TTLL11: variants seen among roughly 807,000 people sequenced by gnomAD.
TTLL11 encodes tubulin tyrosine ligase like 11.
A neutral mutation model predicts 51.7 loss-of-function variants in TTLL11; 42 were observed. The ratio of observed to expected loss-of-function variants is 0.81; its 90% confidence interval spans 0.64 to 1.05. TTLL11 has a LOEUF of 1.05. TTLL11 is among the 50% of genes least tolerant of loss of function. The probability of loss-of-function intolerance (pLI) is 0.00; values close to 1 mark genes in which losing one functional copy is unlikely to be tolerated. For missense variants in TTLL11, 799 were observed against 940.4 expected (o/e 0.85, Z 1.97); for synonymous variants, 381 against 383.5 (o/e 0.99, Z 0.08).
rs1426859409 is a variant in TTLL11, at chr9:121,939,182, C to G, written c.1481+34827G>C. On this transcript the variant is annotated intron_variant, in intron 6 of 8. Transcript: ENST00000321582. ...GAAGAGGGACTGCTGTATAATATTT[C>G]CTTTAATAAACCCTAGTATTTGCTT... is the stretch of plus-strand genomic sequence containing the variant. Among the ~76,000 whole-genome samples the G allele has an allele frequency of 3.3e-5, 5 of 152,166 alleles. No homozygotes were observed. In the East Asian group the frequency reaches 9.6e-4, roughly 29 times the overall value.
chr9:121,920,474 A>G (rs997620365), intron 6 of TTLL11, among the ~76,000 whole-genome samples: 4 of 152,212 alleles, frequency 2.6e-5, no homozygotes, highest in East Asian at 3.8e-4. Context: ...TCTCTCTGGT[A>G]AACGATGAAG....
chr9:122,089,433 C>A (rs1056886601), intron 1 of TTLL11, among the ~76,000 whole-genome samples: 4 of 152,158 alleles, frequency 2.6e-5, no homozygotes, highest in African/African-American at 9.7e-5. Flanking sequence ...TGTGTTTGCA[C>A]TTTGTTAGTA....
intron 6 of TTLL11, among the ~76,000 whole-genome samples, chr9:121,927,254 A>C (rs1257360627): frequency 6.6e-6 from 1 of 152,282 alleles, no homozygotes; most frequent in Non-Finnish European, 1.5e-5. Flanking sequence ...TAGAGCTTAC[A>C]ATGCTCTCAG....
At chr9:122,030,727 G>C (rs371021290) in intron 3 of TTLL11, among the ~76,000 whole-genome samples, 35 of 146,412 alleles carry the variant, frequency 2.4e-4, no homozygotes, top group African/African-American at 8.7e-4. Context: ...ATCGAGACCA[G>C]CCTGGCCAAC....
intron 8 of TTLL11, among the ~76,000 whole-genome samples, chr9:121,856,993 A>AG (rs1205814244): frequency 7.9e-5 from 12 of 152,352 alleles, no homozygotes; most frequent in African/African-American, 2.6e-4. Context: ...CTTGAGAATC[A>AG]GGGGCTTGGA....
intron 6 of TTLL11, among the ~76,000 whole-genome samples, chr9:121,905,103 G>A (rs1839895758): frequency 6.6e-6 from 1 of 152,172 alleles, no homozygotes; most frequent in South Asian, 2.1e-4. Flanking sequence ...GATCCAAGTT[G>A]CGGGGGTTCT....
In TTLL11 at chr9:121,946,429, C is replaced by T. The variant is rs569484008; in HGVS notation, c.1481+27580G>A. 2.4e-3 allele frequency among the ~76,000 whole-genome samples: 369 copies of T among 152,304 alleles called. 2 individuals carry two copies. The highest frequency in any genetic ancestry group is 8.6e-3 in the African/African-American group (357 of 41,570). ...CACGCACACAGCCCTCTGGTTTTGC[C>T]ACAGCTCATGGCCGACTAGGCAAAG... On this transcript the variant is annotated intron_variant, in intron 6 of 8. Transcript: ENST00000321582.
rs565837649 is a variant in TTLL11 at position 121,993,989 on chromosome 9, C to T, written c.694-4219G>A. ...TAGACAAAATCAGTGTCACACGGTG[C>T]ATGCCAGACAGGAGGCAGGGCCAGC... On this transcript the variant is annotated intron_variant, in intron 3 of 8. Coordinates refer to ENST00000321582, the MANE Select transcript of TTLL11 (RefSeq NM_001139442.2). Among the ~76,000 whole-genome samples the T allele has an allele frequency of 2.0e-5, 3 of 152,274 alleles. No homozygotes were observed. The East Asian group carries it at 5.8e-4, about 29-fold the overall frequency.
rs975243080 is a variant in TTLL11, at chr9:121,822,322, C to A, written c.*265G>T. ...TCCTGTGAGCCCAGAATAGAAGGTG[C>A]CATCTGTCACGTTTTAGATGTCATA... is the stretch of plus-strand genomic sequence containing the variant. On this transcript the variant is annotated 3_prime_UTR_variant, in exon 9 of 9. Transcript: ENST00000321582. This position sits in a 1 kb window ranked among gnomAD's most constrained non-coding sequence, Gnocchi z 5.8. The A allele has an allele frequency of 1.0e-5, 3 of 288,884 alleles. No individual in the cohort carries two copies. Among genetic ancestry groups the A allele is most frequent in the Non-Finnish European group, 1.9e-5 (3 of 156,844 alleles). The allele number at this position is 288,884 out of a possible 1,614,324, so 17.9% of individuals were successfully genotyped here. A position where few individuals can be genotyped will look rare whatever the true frequency, so the allele number is the denominator to read the frequency against.
At position 121,989,509 on chromosome 9, in the gene TTLL11, G is replaced by A. The variant is rs1843042353; in HGVS notation, c.955C>T (p.Leu319Phe). The A allele has an allele frequency of 6.2e-7, 1 of 1,614,142 alleles. No individual in the cohort carries two copies. Among genetic ancestry groups the A allele is most frequent in the Non-Finnish European group, 8.5e-7 (1 of 1,180,036 alleles). ...TATGGCTCGGTACAAAACCTAGAGA[G>A]TCCGTCTTTGGCTATATAAATCTCT... ...PLEIYIAKDG[L>F]SRFCTEPYQE... is the part of the protein sequence containing the mutation. The change falls in exon 4 of 9, where the codon CTC becomes TTC. Residue 319 changes from leucine to phenylalanine, a missense_variant. Transcript: ENST00000321582. The surrounding 1 kb of genome is among the most constrained non-coding windows in gnomAD (Gnocchi z 4.2).
At chr9:121,967,489 C>T (rs1259657389) in intron 6 of TTLL11, among the ~76,000 whole-genome samples, 1 of 152,108 alleles carries the variant, frequency 6.6e-6, no homozygotes, top group Non-Finnish European at 1.5e-5. Flanking sequence ...TCCCAAGGTT[C>T]TGGGATTACA....
chr9:122,003,157 A>G (rs1427184377), intron 3 of TTLL11, among the ~76,000 whole-genome samples: 1 of 152,154 alleles, frequency 6.6e-6, no homozygotes, highest in African/African-American at 2.4e-5. Flanking sequence ...TATAAGAAAT[A>G]GCAAGGTATG....
rs1042147635 is a variant in TTLL11 at position 121,935,419 on chromosome 9, T to C, written c.1481+38590A>G. Among the ~76,000 whole-genome samples the C allele has an allele frequency of 6.6e-5, 10 of 152,316 alleles. No homozygotes were observed. In the South Asian group the frequency reaches 1.9e-3, roughly 28 times the overall value. ...TATCCTGACAAGATATCAGGGAACC[T>C]TGAATGTTCAAGGACCCCACTTATA... On this transcript the variant is annotated intron_variant, in intron 6 of 8. Transcript: ENST00000321582.
intron 6 of TTLL11, among the ~76,000 whole-genome samples, chr9:121,871,848 T>C (rs1457098607): frequency 1.3e-5 from 2 of 152,314 alleles, no homozygotes; most frequent in East Asian, 3.9e-4. Flanking sequence ...TCCATGCTCC[T>C]TGGACACCCA....
At chr9:121,836,162 T>C (rs1226382513) in intron 8 of TTLL11, among the ~76,000 whole-genome samples, 3 of 152,300 alleles carry the variant, frequency 2.0e-5, no homozygotes, top group Admixed American at 1.3e-4. Flanking sequence ...TCTGTGGTTG[T>C]TTGCCTTTGT....
At position 121,956,245 on chromosome 9, in the gene TTLL11, A is replaced by C. The variant is rs540707758; in HGVS notation, c.1481+17764T>G. On this transcript the variant is annotated intron_variant, in intron 6 of 8. Transcript: ENST00000321582. ...CCTGAAAACCAGCTGGAAGAGCATG[A>C]AAGGGGGAGAAAAAAACCTGCAACT... Among the ~76,000 whole-genome samples, 5 of 150,666 alleles carry C rather than the reference A, an allele frequency of 3.3e-5. No homozygotes were observed. The East Asian group carries it at 9.7e-4, about 29-fold the overall frequency.
At chr9:121,830,663 C>A (rs1429025107) in intron 8 of TTLL11, among the ~76,000 whole-genome samples, 1 of 152,198 alleles carries the variant, frequency 6.6e-6, no homozygotes, top group Non-Finnish European at 1.5e-5. Context: ...AGAAACCGCA[C>A]AGCCCCAGAT....
chr9:121,876,799 G>C (rs2131408385), intron 6 of TTLL11, among the ~76,000 whole-genome samples: 1 of 152,328 alleles, frequency 6.6e-6, no homozygotes, highest in Middle Eastern at 3.4e-3. Context: ...TAACTTGTTA[G>C]TAATGTACAT....
intron 6 of TTLL11, among the ~76,000 whole-genome samples, chr9:121,888,837 C>G (rs1839114427): frequency 6.6e-6 from 1 of 152,228 alleles, no homozygotes; most frequent in Admixed American, 6.5e-5. Flanking sequence ...GGCTGACATG[C>G]AGGCACTGGA....
Sources: gnomAD v4.1 joint callset for allele counts (sites outside exome capture counted in the v4.1 genomes callset) on GRCh38, gnomAD v4.1.1 for gene constraint, Gnocchi (gnomAD v3.1) non-coding constraint, MANE v1.5 for transcripts, NCBI Gene and HGNC (gene_info 2026-07-23, HGNC 2026-07-21) for gene names.